ARID1A: variants seen among roughly 807,000 people sequenced by gnomAD.
ARID1A encodes the protein AT-rich interactive domain-containing protein 1A.
Under a neutral mutation model 212.6 loss-of-function variants are expected in ARID1A, and 20 were observed. The ratio of observed to expected loss-of-function variants is 0.09; its 90% CI spans 0.07 to 0.14. The LOEUF (loss-of-function observed/expected upper bound fraction) is 0.14. Among genes scored for constraint, ARID1A ranks in the 10% least tolerant of loss-of-function variants. ARID1A has a pLI of 1.00. For synonymous variants in ARID1A, 1,376 were observed against 1,222.1 expected, an observed-to-expected ratio of 1.13 and a Z score of -2.63; for missense variants, 2,587 against 3,059.0, an observed-to-expected ratio of 0.85 and a Z score of 3.64.
chr1:26,697,626 C>T, intron 1 of ARID1A, 86 bp downstream of exon 1: 4 of 1,205,894 alleles, frequency 3.3e-6, no homozygotes, highest in Non-Finnish European at 4.2e-6. Context: ...CAGCCTTGGG[C>T]TCCCCTCAGT....
rs1160937150 is a variant in ARID1A at position 26,731,012 on chromosome 1, A to G, written c.1351-140A>G. On this transcript the variant is annotated intron_variant, in intron 2 of 19. Coordinates refer to ENST00000324856, the MANE Select transcript of ARID1A (RefSeq NM_006015.6). ...TGGCTCAGTTTAGGCAGGGTGAGAG[A>G]AAAACCCTGGGCCTCCTAAGTATGA... 7 of 981,276 alleles carry G rather than the reference A, an allele frequency of 7.1e-6. No homozygotes were observed. The South Asian group carries it at 8.0e-5, about 11-fold the overall frequency. 60.8% of individuals were successfully genotyped at this position (981,276 alleles called of 1,614,324 possible).
At chr1:26,756,454 G>A (rs1441143991) in intron 4 of ARID1A, among the ~76,000 whole-genome samples, 1 of 151,890 alleles carries the variant, frequency 6.6e-6, no homozygotes, top group Non-Finnish European at 1.5e-5. Context: ...TACTCAGGAG[G>A]CTGAGGCAGG....
intron 11 of ARID1A, 127 bp downstream of exon 11, chr1:26,768,126 A>C (rs2081054446): frequency 1.9e-6 from 2 of 1,076,336 alleles, no homozygotes; most frequent in Non-Finnish European, 2.6e-6. Flanking sequence ...TTCTGAGTCT[A>C]ATATTGATAG....
At chr1:26,767,730 A>AC in intron 10 of ARID1A, 60 bp from the exon 11 acceptor site, 1 of 1,466,970 alleles carries the variant, frequency 6.8e-7, no homozygotes, top group Middle Eastern at 1.8e-4. Context: ...GACTTCTGAG[A>AC]CCCTTAGCAC....
At chr1:26,704,959 T>C (rs2080374540) in intron 1 of ARID1A, among the ~76,000 whole-genome samples, 5 of 152,026 alleles carry the variant, frequency 3.3e-5, no homozygotes, top group Admixed American at 2.6e-4. Context: ...CTCTGGAATA[T>C]AGTGATTTTG....
At chr1:26,740,760 C>G (rs1360824495) in intron 4 of ARID1A, among the ~76,000 whole-genome samples, 3 of 152,126 alleles carry the variant, frequency 2.0e-5, no homozygotes, top group Non-Finnish European at 4.4e-5. Flanking sequence ...ATAAGTTAAA[C>G]CGTAGAACTA....
In ARID1A at chr1:26,781,583, T is replaced by C. The variant is rs2081195858; in HGVS notation, c.*827T>C. ...ACCTCTTAGAACTGGTTTTAACCTTTAGCTGCAGCGGCTACGCTGCCACGT... is the reference window on the plus strand; with the variant it reads ...ACCTCTTAGAACTGGTTTTAACCTTCAGCTGCAGCGGCTACGCTGCCACGT... On this transcript the variant is annotated 3_prime_UTR_variant, in exon 20 of 20. Transcript: ENST00000324856. 1 of 233,726 alleles carries C rather than the reference T, an allele frequency of 4.3e-6. No homozygotes were observed. The highest frequency in any genetic ancestry group is 5.6e-5 in the Admixed American group (1 of 17,802). 14.5% of individuals were successfully genotyped at this position (233,726 alleles called of 1,614,324 possible).
rs528990173 is a variant in ARID1A, at chr1:26,781,868, T to C, written c.*1112T>C. 240 of 233,732 alleles carry C rather than the reference T, an allele frequency of 1.0e-3. No homozygotes were observed. Among genetic ancestry groups the C allele is most frequent in the African/African-American group, 5.1e-3 (230 of 45,486 alleles). The allele number at this position is 233,732 out of a possible 1,614,324, so 14.5% of individuals were successfully genotyped here. ...TGGGTTTTTGTTTTGTTTTGTTTTC[T>C]TTCTAATCGAGGTGTGAAAAAGTTC... On this transcript the variant is annotated 3_prime_UTR_variant, in exon 20 of 20. Transcript: ENST00000324856.
At position 26,697,393 on chromosome 1, in the gene ARID1A, G is replaced by A; in HGVS notation, c.990G>A (p.Ala330=). The A allele has an allele frequency of 7.6e-7, 1 of 1,324,106 alleles. No homozygotes were observed. The highest frequency in any genetic ancestry group is 9.6e-7 in the Non-Finnish European group (1 of 1,045,310). The allele number at this position is 1,324,106 out of a possible 1,614,324, so 82.0% of individuals were successfully genotyped here. A position where few individuals can be genotyped will look rare whatever the true frequency, so the allele number is the denominator to read the frequency against. The stretch of plus-strand genomic sequence containing the variant: ...ACGGGGGCGCCGGCAAGGGCCCGGC[G>A]GACATGGCCTCGCAGTGTTGGGGGG... ...PQDGGAGKGP[A]DMASQCWGAA... is the part of the protein sequence containing the mutation. Residue 330 remains alanine (A), a synonymous_variant, in exon 1 of 20, where the codon GCG becomes GCA. Coordinates refer to ENST00000324856, the MANE Select transcript of ARID1A (RefSeq NM_006015.6).
chr1:26,759,118 G>A lies in ARID1A; in HGVS notation c.1921-1738G>A, dbSNP rs2080967655. ...CGATCTTTCCCGGGTGAGCTTGTTT[G>A]TGTGAGCAGGAATAGACTCAAATCA... On this transcript the variant is annotated intron_variant, in intron 4 of 19. Coordinates refer to ENST00000324856, the MANE Select transcript of ARID1A (RefSeq NM_006015.6). 2.6e-5 allele frequency among the ~76,000 whole-genome samples: 4 copies of A among 152,200 alleles called. No individual in the cohort carries two copies. In the South Asian group the frequency reaches 8.3e-4, roughly 31 times the overall value.
intron 4 of ARID1A, among the ~76,000 whole-genome samples, chr1:26,744,714 T>C (rs972602369): frequency 2.6e-5 from 4 of 152,204 alleles, no homozygotes; most frequent in Admixed American, 1.3e-4. Flanking sequence ...GTGATACTTA[T>C]TTTGAGTTGG....
In ARID1A at chr1:26,762,719, C is replaced by T. The variant is rs149141825; in HGVS notation, c.2420-254C>T. 1.3e-4 allele frequency among the ~76,000 whole-genome samples: 20 copies of T among 152,286 alleles called. No individual in the cohort carries two copies. In the East Asian group the frequency reaches 3.7e-3, roughly 28 times the overall value. ...CAAAAGTTGAGAATCTTACACAGAG[C>T]ATGGAAATAGAAAGGAAGTTATCTT... On this transcript the variant is annotated intron_variant, in intron 7 of 19. Coordinates refer to ENST00000324856, the MANE Select transcript of ARID1A (RefSeq NM_006015.6).
Position 26,775,722 on chromosome 1 carries a change from C to G in ARID1A, c.5124+15C>G, listed in dbSNP as rs374625504. On this transcript the variant is annotated intron_variant, in intron 19 of 19. Coordinates refer to ENST00000324856, the MANE Select transcript of ARID1A (RefSeq NM_006015.6). ...ACCTCAGTCAGGTGAGTATCAGTGCCTGGGGAAGATTGAGAGGGTTTGGGA... is the reference window on the plus strand; with the variant it reads ...ACCTCAGTCAGGTGAGTATCAGTGCGTGGGGAAGATTGAGAGGGTTTGGGA... 6.2e-7 allele frequency: 1 copy of G among 1,614,138 alleles called. No individual in the cohort carries two copies. The highest frequency in any genetic ancestry group is 8.5e-7 in the Non-Finnish European group (1 of 1,180,014).
chr1:26,716,241 A>G (rs1232109661), intron 1 of ARID1A, among the ~76,000 whole-genome samples: 3 of 151,746 alleles, frequency 2.0e-5, no homozygotes, highest in Non-Finnish European at 2.9e-5. Context: ...AAAACCTGTG[A>G]GTATCTGCCA....
At chr1:26,708,404 C>A (rs896776622) in intron 1 of ARID1A, among the ~76,000 whole-genome samples, 1 of 147,014 alleles carries the variant, frequency 6.8e-6, no homozygotes, top group Non-Finnish European at 1.5e-5. Context: ...TCTGCCTCAG[C>A]CTCCTGAGTA....
intron 4 of ARID1A, among the ~76,000 whole-genome samples, chr1:26,736,051 G>A (rs966786883): frequency 7.9e-5 from 12 of 152,170 alleles, no homozygotes; most frequent in Admixed American, 2.6e-4. Context: ...AAGGCCGGGC[G>A]TGGTGGCTCA....
intron 1 of ARID1A, among the ~76,000 whole-genome samples, chr1:26,728,229 C>T (rs1292420875): frequency 6.6e-6 from 1 of 152,146 alleles, no homozygotes; most frequent in Admixed American, 6.5e-5. Flanking sequence ...TCAGATATAG[C>T]CTAAGAAATA....
intron 8 of ARID1A, among the ~76,000 whole-genome samples, chr1:26,763,868 A>G (rs1280115750): frequency 6.6e-6 from 1 of 152,230 alleles, no homozygotes; most frequent in Non-Finnish European, 1.5e-5. Flanking sequence ...AGTTCACTGC[A>G]GCCTCGACCT....
chr1:26,724,791 G>A (rs2080601111), intron 1 of ARID1A, among the ~76,000 whole-genome samples: 1 of 152,156 alleles, frequency 6.6e-6, no homozygotes, highest in Non-Finnish European at 1.5e-5. Flanking sequence ...CCCTATGCAA[G>A]GGGTCTGTCT....
Sources: gnomAD v4.1 joint callset for allele counts (sites outside exome capture counted in the v4.1 genomes callset) on GRCh38, gnomAD v4.1.1 for gene constraint, MANE v1.5 for transcripts, NCBI Gene and HGNC (gene_info 2026-07-23, HGNC 2026-07-21) for gene names.